MPP7: variants seen among roughly 807,000 people sequenced by gnomAD.
The protein encoded by MPP7 is MAGUK p55 scaffold protein 7.
MPP7 carries 60 observed loss-of-function variants against 76.5 expected under a neutral mutation model. The ratio of observed to expected loss-of-function variants is 0.78; its 90% confidence interval spans 0.64 to 0.97. The LOEUF (loss-of-function observed/expected upper bound fraction) is 0.97, where lower values mean the gene tolerates loss of function less well. Ranked by LOEUF, MPP7 falls within the 50% of genes least tolerant of loss-of-function variation. MPP7 has a pLI of 0.00. For synonymous variants in MPP7, 237 were observed against 244.5 expected (o/e 0.97, Z 0.29); for missense variants, 641 against 694.0 (o/e 0.92, Z 0.86).
intron 1 of MPP7, among the ~76,000 whole-genome samples, chr10:28,292,409 ACTAGGGT>A (rs1329688401): frequency 6.6e-6 from 1 of 152,180 alleles, no homozygotes; most frequent in East Asian, 1.9e-4. Context: ...CAGAAGCTGA[ACTAGGGT>A]CTCTTACTGT....
intron 11 of MPP7, among the ~76,000 whole-genome samples, chr10:28,096,165 C>T (rs1412601968): frequency 6.6e-6 from 1 of 152,182 alleles, no homozygotes; most frequent in Non-Finnish European, 1.5e-5. Flanking sequence ...CTGCAATAAA[C>T]ATCCCTTTAT....
chr10:28,084,076 C>G (rs1159400744), intron 12 of MPP7, among the ~76,000 whole-genome samples: 1 of 152,088 alleles, frequency 6.6e-6, no homozygotes, highest in Non-Finnish European at 1.5e-5. Context: ...GAATTTCAGA[C>G]TAAAGGCTAA....
intron 1 of MPP7, among the ~76,000 whole-genome samples, chr10:28,243,116 C>T (rs1013410441): frequency 2.6e-5 from 4 of 151,596 alleles, no homozygotes; most frequent in Admixed American, 6.6e-5. Context: ...TGAAGACAAA[C>T]TATGGTTATT....
rs868579878 is a variant in MPP7, at chr10:28,057,603, C to T, written c.1407+892G>A. On this transcript the variant is annotated intron_variant, in intron 15 of 16. Transcript: ENST00000683449. ...CTGCAGAGCAGTGAGCCAATTAAAC[C>T]TCTTTTTTTTTTTTTTTTTTTTTTT... 2.4e-3 allele frequency: 631 copies of T among 263,740 alleles called. 16 individuals are homozygous for T. In the African/African-American group the frequency reaches 0.027, roughly 11 times the overall value. The allele number at this position is 263,740 out of a possible 1,614,324, so 16.3% of individuals were successfully genotyped here. A position where few individuals can be genotyped will look rare whatever the true frequency, so the allele number is the denominator to read the frequency against.
chr10:28,184,042 G>A (rs776243995), intron 3 of MPP7, among the ~76,000 whole-genome samples: 13 of 151,392 alleles, frequency 8.6e-5, no homozygotes, highest in Middle Eastern at 3.5e-3. Context: ...TATTATTATC[G>A]TCATTTTACA....
intron 1 of MPP7, among the ~76,000 whole-genome samples, chr10:28,331,067 A>G (rs1019406820): frequency 1.3e-5 from 2 of 152,228 alleles, no homozygotes; most frequent in Non-Finnish European, 2.9e-5. Flanking sequence ...CTACCCCACT[A>G]GAATATAAAT....
chr10:28,101,676 C>A (rs1853830837), intron 11 of MPP7, among the ~76,000 whole-genome samples: 1 of 152,016 alleles, frequency 6.6e-6, no homozygotes, highest in Non-Finnish European at 1.5e-5. Flanking sequence ...AAAAGAGATG[C>A]ATGGTAAGTG....
intron 2 of MPP7, among the ~76,000 whole-genome samples, chr10:28,211,456 T>TAG (rs1417451075): frequency 2.6e-4 from 39 of 149,166 alleles, no homozygotes; most frequent in African/African-American, 7.7e-4. Flanking sequence ...TATATATATA[T>TAG]ATATATAGAG....
intron 3 of MPP7, among the ~76,000 whole-genome samples, chr10:28,161,568 T>G (rs1352656240): frequency 6.6e-6 from 1 of 152,210 alleles, no homozygotes; most frequent in East Asian, 1.9e-4. Flanking sequence ...TCATTTTGCA[T>G]GTAAGAATAC....
At chr10:28,098,496 ATAT>A (rs1241966799) in intron 11 of MPP7, among the ~76,000 whole-genome samples, 4 of 151,762 alleles carry the variant, frequency 2.6e-5, no homozygotes, top group Non-Finnish European at 4.4e-5. Context: ...ACTTACTGTA[ATAT>A]TATATATGTT....
At chr10:28,199,616 A>G (rs925889196) in intron 3 of MPP7, among the ~76,000 whole-genome samples, 1 of 143,574 alleles carries the variant, frequency 7.0e-6, no homozygotes, top group African/African-American at 2.5e-5. Context: ...CTGCCCCCAA[A>G]CTTTTTTTTT....
intron 2 of MPP7, among the ~76,000 whole-genome samples, chr10:28,326,954 C>A (rs1834421717): frequency 6.6e-6 from 1 of 152,126 alleles, no homozygotes. Flanking sequence ...CAGGACTCAG[C>A]CATGACAATG....
At chr10:28,266,840 T>C (rs1436072313) in intron 1 of MPP7, among the ~76,000 whole-genome samples, 1 of 152,240 alleles carries the variant, frequency 6.6e-6, no homozygotes, top group Non-Finnish European at 1.5e-5. Context: ...CCTTTGAGCA[T>C]CATTAACTTT....
chr10:28,055,825 A>G (rs1046408427), intron 16 of MPP7, among the ~76,000 whole-genome samples: 2 of 152,216 alleles, frequency 1.3e-5, no homozygotes, highest in Non-Finnish European at 2.9e-5. Context: ...ATTTTATACA[A>G]ATGTTCAGCC....
At chr10:28,216,575 C>T (rs1168555649) in intron 2 of MPP7, among the ~76,000 whole-genome samples, 2 of 152,110 alleles carry the variant, frequency 1.3e-5, no homozygotes, top group Non-Finnish European at 2.9e-5. Flanking sequence ...TCAAGTGATA[C>T]AGAAAAATAA....
intron 1 of MPP7, among the ~76,000 whole-genome samples, chr10:28,298,884 G>C (rs1013173386): frequency 6.6e-6 from 1 of 152,182 alleles, no homozygotes; most frequent in African/African-American, 2.4e-5. Context: ...TAGGGAAGCA[G>C]CTTCTTTCCT....
Position 28,333,047 on chromosome 10 carries a change from G to A in MPP7, c.-206+1371C>T, listed in dbSNP as rs577309846. Among the ~76,000 whole-genome samples the A allele has an allele frequency of 8.5e-5, 13 of 152,224 alleles. No homozygotes were observed. In the East Asian group the frequency reaches 2.5e-3, roughly 29 times the overall value. On this transcript the variant is annotated intron_variant, in intron 1 of 11. Transcript: ENST00000441595. Reference sequence around the variant, plus strand: ...AGATTTGAATCCATTCATGTCTGGGGACACAGGCTATGCTTATGGCATTGT... The same window carrying A: ...AGATTTGAATCCATTCATGTCTGGGAACACAGGCTATGCTTATGGCATTGT...
chr10:28,254,306 A>T (rs1013667837), intron 1 of MPP7, among the ~76,000 whole-genome samples: 1 of 152,196 alleles, frequency 6.6e-6, no homozygotes, highest in Non-Finnish European at 1.5e-5. Context: ...AAATGGCTAT[A>T]AAAAGAAAAC....
chr10:28,250,673 T>C (rs143502722), intron 1 of MPP7, among the ~76,000 whole-genome samples: 1 of 152,360 alleles, frequency 6.6e-6, no homozygotes, highest in African/African-American at 2.4e-5. Context: ...TCCTTTCTTA[T>C]TGCTTTCTTT....
Sources: gnomAD v4.1 joint callset for allele counts (sites outside exome capture counted in the v4.1 genomes callset) on GRCh38, gnomAD v4.1.1 for gene constraint, MANE v1.5 for transcripts, NCBI Gene and HGNC (gene_info 2026-07-23, HGNC 2026-07-21) for gene names.